TTC28: variants seen among roughly 807,000 people sequenced by gnomAD.
TTC28 encodes tetratricopeptide repeat protein 28.
In TTC28, 61 loss-of-function variants were observed where a neutral mutation model predicts 198.0. That is an observed-to-expected ratio of 0.31 (90% confidence interval 0.25 to 0.38). TTC28 has a LOEUF of 0.38. Among genes scored for constraint, TTC28 ranks in the 10% least tolerant of loss-of-function variants. TTC28 has a pLI of 1.00. For missense variants in TTC28, 2,678 were observed against 3,164.0 expected, an observed-to-expected ratio of 0.85 and a Z score of 3.69; for synonymous variants, 1,171 against 1,297.8, an observed-to-expected ratio of 0.90 and a Z score of 2.10.
At chr22:28,350,988 CT>C (rs1376879830) in intron 2 of TTC28, among the ~76,000 whole-genome samples, 1 of 152,076 alleles carries the variant, frequency 6.6e-6, no homozygotes, top group African/African-American at 2.4e-5. Flanking sequence ...CAAGACCATC[CT>C]GGCTAACACG....
In TTC28 at chr22:28,655,742, T is replaced by C. The variant is rs1721715460; in HGVS notation, c.102+23880A>G. ...GGCGGGCGCCTGTAGTCCCCGCTAC[T>C]CAGGAGGCTGAGGCAGGAGAATGGC... On this transcript the variant is annotated intron_variant, in intron 1 of 22. Coordinates refer to ENST00000397906, the MANE Select transcript of TTC28 (RefSeq NM_001145418.2). Among the ~76,000 whole-genome samples, 8 of 151,870 alleles carry C rather than the reference T, an allele frequency of 5.3e-5. No individual in the cohort carries two copies. The South Asian group carries it at 1.7e-3, about 31-fold the overall frequency.
chr22:28,255,440 C>G (rs529063250), intron 5 of TTC28, among the ~76,000 whole-genome samples: 1 of 151,830 alleles, frequency 6.6e-6, no homozygotes. Context: ...CCCAGCACTT[C>G]GGGAGGCGAG....
chr22:28,291,030 G>A (rs1430576141), intron 5 of TTC28, among the ~76,000 whole-genome samples: 1 of 150,072 alleles, frequency 6.7e-6, no homozygotes, highest in Non-Finnish European at 1.5e-5. Context: ...AGAATAAATG[G>A]AGAGACAGAC....
intron 5 of TTC28, among the ~76,000 whole-genome samples, chr22:28,261,922 C>A (rs1931348648): frequency 1.3e-5 from 2 of 152,150 alleles, no homozygotes; most frequent in South Asian, 4.2e-4. Flanking sequence ...GAAACACTGG[C>A]CTAGATGACT....
Position 28,163,493 on chromosome 22 carries a change from G to A in TTC28, c.1040C>T (p.Ser347Phe). ...TCGGGCTTCAGAAAGTTCATCTTTG[G>A]ATTGCTTGGCAAGAAGAACACACTG... Reference protein sequence around the residue: ...HKQCVLLAKQSKDELSEAREL... With the variant: ...HKQCVLLAKQFKDELSEAREL... Residue 347 changes from serine (S) to phenylalanine (F), a missense_variant, in exon 6 of 23, where the codon TCC (serine) becomes TTC (phenylalanine). By Grantham distance (155) the Ser-to-Phe change is radical (BLOSUM62 -2). Coordinates refer to ENST00000397906, the MANE Select transcript of TTC28 (RefSeq NM_001145418.2). 2 of 1,551,748 alleles carry A rather than the reference G, an allele frequency of 1.3e-6. No homozygotes were observed. The highest frequency in any genetic ancestry group is 1.7e-6 in the Non-Finnish European group (2 of 1,147,004).
At chr22:28,427,030 G>A (rs1312224723) in intron 2 of TTC28, among the ~76,000 whole-genome samples, 3 of 152,146 alleles carry the variant, frequency 2.0e-5, no homozygotes, top group African/African-American at 7.2e-5. Flanking sequence ...AAAAACGTTA[G>A]TCCTTTAATA....
At chr22:28,391,692 G>T (rs897217973) in intron 2 of TTC28, among the ~76,000 whole-genome samples, 20 of 152,216 alleles carry the variant, frequency 1.3e-4, no homozygotes, top group South Asian at 2.1e-4. Context: ...TTCAGCTCCA[G>T]GAGCTCCTTT....
chr22:28,544,789 G>C (rs944300159), intron 2 of TTC28, among the ~76,000 whole-genome samples: 2 of 152,160 alleles, frequency 1.3e-5, no homozygotes, highest in African/African-American at 4.8e-5. Context: ...ACTCCTACCA[G>C]TGCCATAACA....
At position 28,646,046 on chromosome 22, in the gene TTC28, A is replaced by G. The variant is rs555154257; in HGVS notation, c.103-16216T>C. On this transcript the variant is annotated intron_variant, in intron 1 of 22. Transcript: ENST00000397906. The stretch of plus-strand genomic sequence containing the variant: ...ATGCCCATTTTCACCAGTTCTATTC[A>G]ATACAGTACTGAGGATCCTAGCCAG... Among the ~76,000 whole-genome samples, 5 of 152,246 alleles carry G rather than the reference A, an allele frequency of 3.3e-5. No homozygotes were observed. In the South Asian group the frequency reaches 8.3e-4, roughly 25 times the overall value.
chr22:28,173,069 C>G lies in TTC28; in HGVS notation c.934-9470G>C, dbSNP rs554394257. On this transcript the variant is annotated intron_variant, in intron 5 of 22. Coordinates refer to ENST00000397906, the MANE Select transcript of TTC28 (RefSeq NM_001145418.2). ...AGACGGCTAGGCTGAGTTCTGCTAC[C>G]AAGCAGAAGCTAGTAATGGCAACTG... Among the ~76,000 whole-genome samples, 10 of 152,230 alleles carry G rather than the reference C, an allele frequency of 6.6e-5. No homozygotes were observed. The South Asian group carries it at 2.1e-3, about 32-fold the overall frequency.
At chr22:28,644,777 C>T (rs909077554) in intron 1 of TTC28, among the ~76,000 whole-genome samples, 1 of 151,712 alleles carries the variant, frequency 6.6e-6, no homozygotes, top group Non-Finnish European at 1.5e-5. Flanking sequence ...AAGCCGAGAT[C>T]GCACCACTGC....
intron 2 of TTC28, among the ~76,000 whole-genome samples, chr22:28,401,045 A>G (rs2046898242): frequency 6.6e-6 from 1 of 152,158 alleles, no homozygotes; most frequent in Non-Finnish European, 1.5e-5. Flanking sequence ...GAAAGAAGAT[A>G]GGAGTAGTAA....
intron 6 of TTC28, among the ~76,000 whole-genome samples, chr22:28,155,861 C>T: frequency 6.6e-6 from 1 of 151,986 alleles, no homozygotes; most frequent in Middle Eastern, 3.2e-3. Context: ...TTGAGTACAG[C>T]TTTAGGAAGA....
intron 6 of TTC28, among the ~76,000 whole-genome samples, chr22:28,152,275 G>T (rs959238699): frequency 3.9e-5 from 6 of 152,188 alleles, no homozygotes; most frequent in Non-Finnish European, 5.9e-5. Context: ...TTCTCCCTGG[G>T]CATGAACAGG....
intron 2 of TTC28, among the ~76,000 whole-genome samples, chr22:28,487,604 G>A (rs1416913058): frequency 1.3e-5 from 2 of 151,996 alleles, no homozygotes; most frequent in Admixed American, 6.6e-5. Flanking sequence ...TTCTTGCCGT[G>A]TCCATTTCTA....
chr22:28,261,034 C>G (rs1041078054), intron 5 of TTC28, among the ~76,000 whole-genome samples: 2 of 152,108 alleles, frequency 1.3e-5, no homozygotes, highest in East Asian at 3.9e-4. Context: ...GTTTGTGCCT[C>G]TGTCCCACTG....
At chr22:28,374,486 C>A (rs574337178) in intron 2 of TTC28, among the ~76,000 whole-genome samples, 2 of 152,144 alleles carry the variant, frequency 1.3e-5, no homozygotes, top group South Asian at 4.1e-4. Flanking sequence ...TAAAATAGTT[C>A]TCTGGGAAGC....
chr22:28,469,548 T>C (rs1323902027), intron 2 of TTC28, among the ~76,000 whole-genome samples: 2 of 152,090 alleles, frequency 1.3e-5, no homozygotes, highest in Admixed American at 1.3e-4. Flanking sequence ...AGTGACCTTA[T>C]AAGAGGGAGG....
intron 15 of TTC28, 21 bp downstream of exon 15, chr22:28,001,353 C>G (rs754758201): frequency 3.1e-5 from 47 of 1,532,062 alleles, no homozygotes; most frequent in African/African-American, 8.2e-5. Flanking sequence ...CCCGGCCCCC[C>G]ACCATGTGTG....
Sources: gnomAD v4.1 joint callset for allele counts (sites outside exome capture counted in the v4.1 genomes callset) on GRCh38, gnomAD v4.1.1 for gene constraint, MANE v1.5 for transcripts, NCBI Gene and HGNC (gene_info 2026-07-23, HGNC 2026-07-21) for gene names.